The following TTC17 variants were observed in gnomAD, a reference collection of about 807,000 sequenced individuals.
The protein encoded by TTC17 is tetratricopeptide repeat domain 17.
A neutral mutation model predicts 143.8 loss-of-function variants in TTC17; 58 were observed. The observed-to-expected ratio is 0.40, with a 90% confidence interval of 0.33 to 0.50. TTC17 has a LOEUF of 0.50. Among genes scored for constraint, TTC17 ranks in the 20% least tolerant of loss-of-function variants. The pLI is 0.49. For missense variants in TTC17, 1,273 were observed against 1,392.5 expected (o/e 0.91, Z 1.37); for synonymous variants, 501 against 497.8 (o/e 1.01, Z -0.09).
chr11:43,454,110 G>A (rs1047164665), intron 21 of TTC17, among the ~76,000 whole-genome samples: 5 of 152,120 alleles, frequency 3.3e-5, no homozygotes, highest in African/African-American at 1.2e-4. Context: ...ATCAAAAAAT[G>A]GTGAGAGAAT....
intron 1 of TTC17, among the ~76,000 whole-genome samples, chr11:43,360,696 A>C (rs891101506): frequency 6.6e-6 from 1 of 151,828 alleles, no homozygotes; most frequent in Non-Finnish European, 1.5e-5. Context: ...TTGCAATGGG[A>C]AAGTAGAGTC....
At chr11:43,469,002 A>T (rs1008361974) in intron 21 of TTC17, among the ~76,000 whole-genome samples, 2 of 152,258 alleles carry the variant, frequency 1.3e-5, no homozygotes, top group African/African-American at 4.8e-5. Context: ...AGTTCAAAAT[A>T]TATAAAGAAC....
At chr11:43,442,810 A>G (rs376600662) in intron 16 of TTC17, among the ~76,000 whole-genome samples, 1 of 152,212 alleles carries the variant, frequency 6.6e-6, no homozygotes, top group Non-Finnish European at 1.5e-5. Context: ...GCTATTTCTT[A>G]TATCAGCCAT....
At chr11:43,388,406 AAG>A (rs1270432672) in intron 2 of TTC17, among the ~76,000 whole-genome samples, 3 of 152,120 alleles carry the variant, frequency 2.0e-5, no homozygotes, top group African/African-American at 4.8e-5. Flanking sequence ...TTAGGAGAGT[AAG>A]AGTAATGTAG....
chr11:43,401,647 T>C, intron 10 of TTC17, 89 bp downstream of exon 10: 1 of 874,526 alleles, frequency 1.1e-6, no homozygotes, highest in Non-Finnish European at 1.7e-6. Flanking sequence ...ATTCTTTGTA[T>C]ATTTGATCCC....
chr11:43,403,926 G>T (rs1857990071), intron 10 of TTC17, 72 bp from the exon 11 acceptor site: 6 of 1,321,516 alleles, frequency 4.5e-6, no homozygotes, highest in Non-Finnish European at 6.1e-6. Context: ...CGCTTTTTTG[G>T]TGTGAGTTAA....
Position 43,391,884 on chromosome 11 carries a change from T to C in TTC17, c.595T>C (p.Tyr199His). ...ACCTAAAGAAGACCCAATCTTCACA[T>C]ATTTATCTAAACGGTTAGGAAGGAG... ...LLPKEDPIFT[Y>H]LSKRLGRSID... is the part of the protein sequence containing the mutation. Residue 199 changes from tyrosine (Y) to histidine (H), a missense_variant, in exon 5 of 24, where the codon TAT becomes CAT. Coordinates refer to ENST00000039989, the MANE Select transcript of TTC17 (RefSeq NM_018259.6). The C allele has an allele frequency of 5.0e-6, 8 of 1,614,042 alleles. No individual in the cohort carries two copies. Among genetic ancestry groups the C allele is most frequent in the Non-Finnish European group, 6.8e-6 (8 of 1,179,986 alleles).
chr11:43,398,514 A>T (rs1857711634), intron 8 of TTC17, among the ~76,000 whole-genome samples: 1 of 152,104 alleles, frequency 6.6e-6, no homozygotes, highest in Admixed American at 6.6e-5. Flanking sequence ...AATAGTTGAT[A>T]TTTCTCCTCT....
At chr11:43,392,624 T>C (rs921053893) in intron 5 of TTC17, among the ~76,000 whole-genome samples, 1 of 152,210 alleles carries the variant, frequency 6.6e-6, no homozygotes, top group African/African-American at 2.4e-5. Context: ...CAGATAAAAG[T>C]CCGATAATAA....
chr11:43,427,570 C>G (rs974384295), intron 16 of TTC17, among the ~76,000 whole-genome samples: 1 of 152,150 alleles, frequency 6.6e-6, no homozygotes, highest in Non-Finnish European at 1.5e-5. Context: ...CCATAACTCT[C>G]CAGCTCTTTC....
In TTC17 at chr11:43,439,452, A is replaced by G. The variant is rs551928597; in HGVS notation, c.2252-3873A>G. ...AACAGGACTACATATGCATAGCTTC[A>G]TGTCTTGTTTTTTTTTGGTTTTTTT... On this transcript the variant is annotated intron_variant, in intron 16 of 23. Transcript: ENST00000039989. 1.9e-4 allele frequency among the ~76,000 whole-genome samples: 28 copies of G among 148,574 alleles called. No homozygotes were observed. The East Asian group carries it at 3.4e-3, about 18-fold the overall frequency.
At position 43,443,393 on chromosome 11, in the gene TTC17, G is replaced by A; in HGVS notation, c.2320G>A (p.Glu774Lys). 1 of 1,614,130 alleles carries A rather than the reference G, an allele frequency of 6.2e-7. No individual in the cohort carries two copies. The highest frequency in any genetic ancestry group is 8.5e-7 in the Non-Finnish European group (1 of 1,179,996). The change falls in exon 17 of 24, where the codon GAA becomes AAA. Residue 774 changes from glutamate (E) to lysine (K), a missense_variant. Glu to Lys is a moderately conservative substitution (Grantham distance 56). This residue lies in a region of TTC17 where 878 missense variants were observed against 899.8 expected (regional missense o/e 0.98). Coordinates refer to ENST00000039989, the MANE Select transcript of TTC17 (RefSeq NM_018259.6). ...TTCAGATGAAACCAAAATGTCAGAA[G>A]AAATACTGGCTTTGGTGGATGAATT... ...ENSDETKMSE[E>K]ILALVDEFQQ...
chr11:43,413,269 A>G (rs572082850), intron 15 of TTC17, among the ~76,000 whole-genome samples: 8 of 152,330 alleles, frequency 5.3e-5, no homozygotes, highest in African/African-American at 1.9e-4. Context: ...TGCTAGAATA[A>G]TTGGATGATA....
At chr11:43,360,851 T>G (rs1417490014) in intron 1 of TTC17, among the ~76,000 whole-genome samples, 1 of 152,180 alleles carries the variant, frequency 6.6e-6, no homozygotes, top group Admixed American at 6.5e-5. Context: ...GCCAAGTCAC[T>G]GCTGAGCTAA....
At chr11:43,447,894 T>C (rs1947578847) in intron 18 of TTC17, 108 bp from the exon 19 acceptor site, 1 of 1,382,836 alleles carries the variant, frequency 7.2e-7, no homozygotes, top group Non-Finnish European at 9.9e-7. Context: ...CAGGAATGAC[T>C]AGCACCTCCA....
At chr11:43,402,667 G>T (rs950494468) in intron 10 of TTC17, among the ~76,000 whole-genome samples, 1 of 152,014 alleles carries the variant, frequency 6.6e-6, no homozygotes, top group Admixed American at 6.6e-5. Flanking sequence ...CACATTTTTT[G>T]ATTGGGATGC....
In TTC17 at chr11:43,418,645, TA is replaced by T. The variant is rs568661002; in HGVS notation, c.2251+3877del. Among the ~76,000 whole-genome samples, 907 of 151,972 alleles carry T rather than the reference TA, an allele frequency of 6.0e-3. 10 individuals carry two copies. Among genetic ancestry groups the T allele is most frequent in the African/African-American group, 0.02 (839 of 41,508 alleles). On this transcript the variant is annotated intron_variant, in intron 16 of 23. Transcript: ENST00000039989. ...CAATGTCTATGAAGTGCTCAACACTTAAAAAAAACAGCCTTTTTTTATTGGA... is the reference window on the plus strand; with the variant it reads ...CAATGTCTATGAAGTGCTCAACACTTAAAAAAACAGCCTTTTTTTATTGGA...
At chr11:43,397,622 G>C in intron 7 of TTC17, 131 bp downstream of exon 7, 1 of 1,093,692 alleles carries the variant, frequency 9.1e-7, no homozygotes. Flanking sequence ...ATGAAATTAG[G>C]AGGAAGAAAA....
Position 43,379,330 on chromosome 11 carries a change from A to G in TTC17, c.249+8A>G. 1 of 1,610,512 alleles carries G rather than the reference A, an allele frequency of 6.2e-7. No individual in the cohort carries two copies. The highest frequency in any genetic ancestry group is 8.5e-7 in the Non-Finnish European group (1 of 1,178,312). On this transcript the variant is annotated splice_region_variant and intron_variant, in intron 2 of 23. Transcript: ENST00000039989. The stretch of plus-strand genomic sequence containing the variant: ...TACCTCAAAGAATTAGAGGTGAGGC[A>G]ACTGGGCATGTGAGATGCAGCTGAT...
Sources: allele counts gnomAD v4.1 joint callset (sites outside exome capture counted in the v4.1 genomes callset), GRCh38; gene constraint gnomAD v4.1.1; regional missense constraint gnomAD v4.1.1; transcripts MANE v1.5; gene names NCBI Gene and HGNC (gene_info 2026-07-23, HGNC 2026-07-21).